The following NACA variants were observed in gnomAD, a reference collection of about 807,000 sequenced individuals.
NACA encodes the protein nascent polypeptide-associated complex subunit alpha.
In NACA, 42 loss-of-function variants were observed where a neutral mutation model predicts 86.4. That is an observed-to-expected ratio of 0.49 (90% CI 0.38 to 0.63). The LOEUF (loss-of-function observed/expected upper bound fraction) is 0.63, where lower values mean the gene tolerates loss of function less well. Ranked by LOEUF, NACA falls within the 20% of genes least tolerant of loss-of-function variation. The pLI is 0.00. For synonymous variants in NACA, 898 were observed against 973.7 expected (o/e 0.92, Z 1.45); for missense variants, 2,157 against 2,483.6 (o/e 0.87, Z 2.80).
chr12:56,713,474 TGTCA>T lies in NACA; in HGVS notation c.5970+59_5970+62del, dbSNP rs369306783. ...TAACAGAGAACTATCTGACGCAAAA[TGTCA>T]GCAGTGCTGAGGTTGAGAAACCCTG... On this transcript the variant is annotated intron_variant, in intron 6 of 8. Transcript: ENST00000454682. 2.6e-4 allele frequency: 406 copies of T among 1,564,040 alleles called. 2 individuals are homozygous for T. In the African/African-American group the frequency reaches 4.7e-3, roughly 18 times the overall value.
rs772457858 is a variant in NACA, at chr12:56,716,678, C to A, written c.4852G>T (p.Ala1618Ser). The A allele has an allele frequency of 7.0e-7, 1 of 1,425,742 alleles. No homozygotes were observed. Among genetic ancestry groups the A allele is most frequent in the Non-Finnish European group, 9.4e-7 (1 of 1,063,150 alleles). The allele number at this position is 1,425,742 out of a possible 1,614,324, so 88.3% of individuals were successfully genotyped here. A position where few individuals can be genotyped will look rare whatever the true frequency, so the allele number is the denominator to read the frequency against. The change falls in exon 3 of 9, where the codon GCT (alanine) becomes TCT (serine). Residue 1618 changes from alanine (A) to serine (S), a missense_variant. Transcript: ENST00000454682. ...PSPKEAPTPP[A>S]VTPPSPEKGP... ...TTTTCGGGGGATGGAGGAGTCACAG[C>A]TGGAGGAGTAGGTGCCTCTTTGGGG...
intron 7 of NACA, 64 bp from the exon 8 acceptor site, chr12:56,712,972 G>A: frequency 6.2e-7 from 1 of 1,612,400 alleles, no homozygotes; most frequent in Non-Finnish European, 8.5e-7. Context: ...GTTCTTTGGA[G>A]TCTCCTGAAT....
At chr12:56,724,614 A>G in intron 1 of NACA, 91 bp from the exon 2 acceptor site, 1 of 1,375,454 alleles carries the variant, frequency 7.3e-7, no homozygotes, top group South Asian at 1.3e-5. Flanking sequence ...AACTCCGAGG[A>G]GGGCTGTTAG....
At position 56,720,163 on chromosome 12, in the gene NACA, G is replaced by A. The variant is rs763055972; in HGVS notation, c.1367C>T (p.Thr456Ile). The change falls in exon 3 of 9, where the codon ACC becomes ATC. Residue 456 changes from threonine (T) to isoleucine (I), a missense_variant. This residue lies in a region of NACA where 947 missense variants were observed against 917.9 expected (regional missense o/e 1.03). Coordinates refer to ENST00000454682, the MANE Select transcript of NACA (RefSeq NM_001365896.1). ...PCTIAAAPTT[T>I]FEVATCVSPP... ...AGAAACACAAGTAGCTACCTCAAAG[G>A]TAGTAGTAGGTGCTGCAGCAATTGT... The A allele has an allele frequency of 1.9e-6, 3 of 1,613,954 alleles. No individual in the cohort carries two copies. Among genetic ancestry groups the A allele is most frequent in the African/African-American group, 2.7e-5 (2 of 75,004 alleles).
intron 2 of NACA, among the ~76,000 whole-genome samples, chr12:56,723,446 C>G (rs1031115547): frequency 6.6e-6 from 1 of 152,120 alleles, no homozygotes; most frequent in Non-Finnish European, 1.5e-5. Context: ...CTTTAGAGAA[C>G]AGTACTTTAT....
Position 56,716,409 on chromosome 12 carries a change from T to C in NACA, c.5121A>G (p.Lys1707=), listed in dbSNP as rs1387989066. 2.5e-6 allele frequency: 4 copies of C among 1,602,672 alleles called. No individual in the cohort carries two copies. Among genetic ancestry groups the C allele is most frequent in the Non-Finnish European group, 3.4e-6 (4 of 1,173,286 alleles). The change falls in exon 3 of 9, where the codon AAA becomes AAG. Residue 1707 remains lysine (K), a synonymous_variant. Transcript: ENST00000454682. ...TAPTRKGPQT[K]KSSATSPPIC... ...TAGGAGGTGAAGTAGCAGAACTCTTTTTGGTCTGTGGACCTTTCCGAGTGG... is the reference window on the plus strand; with the variant it reads ...TAGGAGGTGAAGTAGCAGAACTCTTCTTGGTCTGTGGACCTTTCCGAGTGG...
chr12:56,713,260 A>G, intron 6 of NACA, 70 bp from the exon 7 acceptor site: 1 of 1,550,076 alleles, frequency 6.5e-7, no homozygotes, highest in Non-Finnish European at 8.8e-7. Context: ...ATATAGTTTC[A>G]CAACTCTCTG....
chr12:56,714,018 G>C (rs893913718), intron 5 of NACA: 1 of 366,386 alleles, frequency 2.7e-6, no homozygotes, highest in African/African-American at 2.1e-5. Flanking sequence ...ATATATTTTT[G>C]GTATTTTTAG....
chr12:56,724,233 G>A (rs1953649952), intron 2 of NACA, among the ~76,000 whole-genome samples: 2 of 152,148 alleles, frequency 1.3e-5, no homozygotes, highest in Non-Finnish European at 1.5e-5. Context: ...AACATAGAAA[G>A]CAAGCTAGGG....
intron 6 of NACA, 166 bp downstream of exon 6, chr12:56,713,371 G>A (rs973781780): frequency 6.7e-6 from 8 of 1,186,330 alleles, no homozygotes; most frequent in Non-Finnish European, 9.4e-6. Context: ...CAACTAGGGG[G>A]TAGTTAGGTC....
intron 2 of NACA, among the ~76,000 whole-genome samples, chr12:56,722,471 C>T (rs1161189973): frequency 6.6e-6 from 1 of 152,168 alleles, no homozygotes; most frequent in Non-Finnish European, 1.5e-5. Flanking sequence ...GGGCGGATCA[C>T]GAGGTCAGGA....
In NACA at chr12:56,719,163, G is replaced by GT; in HGVS notation, c.2366dup (p.Tyr789Ter). The change falls in exon 3 of 9, where the codon TAC becomes TAAC. Residue 789 changes from tyrosine (Y) to a stop codon, truncating the protein, a stop_gained and frameshift_variant. Coordinates refer to ENST00000454682, the MANE Select transcript of NACA (RefSeq NM_001365896.1). LOFTEE classifies it high-confidence loss of function. ...CTAAAGGAGATGGGGAATCAGCTAG[G>GT]TAAGTCAGAGTTCCTTTGGAAGATG... ...ATASSKGTLT[Y>*]LADSPSPLGV... The GT allele has an allele frequency of 6.8e-7, 1 of 1,466,086 alleles. No homozygotes were observed. Among genetic ancestry groups the GT allele is most frequent in the Non-Finnish European group, 9.2e-7 (1 of 1,084,378 alleles). The allele number at this position is 1,466,086 out of a possible 1,614,324, so 90.8% of individuals were successfully genotyped here.
In NACA at chr12:56,721,359, A is replaced by G. The variant is rs370950923; in HGVS notation, c.171T>C (p.Pro57=). The G allele has an allele frequency of 3.3e-5, 53 of 1,596,014 alleles. 2 individuals carry two copies. The African/African-American group carries it at 5.9e-4, about 18-fold the overall frequency. The change falls in exon 3 of 9, where the codon CCT becomes CCC. Residue 57 remains proline (P), a synonymous_variant. Coordinates refer to ENST00000454682, the MANE Select transcript of NACA (RefSeq NM_001365896.1). ...PPCSPAPQQC[P]LSAANQASPF... is the part of the protein sequence containing the mutation. ...GGGAAGCCTGGTTAGCAGCTGAGAG[A>G]GGGCACTGTTGTGGGGCAGGAGAGC... is the stretch of plus-strand genomic sequence containing the variant.
At chr12:56,721,494 A>T in intron 2 of NACA, 35 bp from the exon 3 acceptor site, 2 of 1,310,092 alleles carry the variant, frequency 1.5e-6, no homozygotes, top group Non-Finnish European at 2.0e-6. Flanking sequence ...AGAAAGGGGG[A>T]GGGGGAGGAG....
Position 56,720,533 on chromosome 12 carries a change from C to G in NACA, c.997G>C (p.Asp333His). 6.2e-7 allele frequency: 1 copy of G among 1,613,888 alleles called. No individual in the cohort carries two copies. The highest frequency in any genetic ancestry group is 8.5e-7 in the Non-Finnish European group (1 of 1,179,828). The change falls in exon 3 of 9, where the codon GAC (aspartate) becomes CAC (histidine). Residue 333 changes from aspartate to histidine, a missense_variant. By Grantham distance (81) the Asp-to-His change is moderately conservative. Coordinates refer to ENST00000454682, the MANE Select transcript of NACA (RefSeq NM_001365896.1). ...ACAGAAATGGTCTTCACTGTAGGGTCTGACAAAGCACTAGGACCTGTTTGA... is the reference window on the plus strand; with the variant it reads ...ACAGAAATGGTCTTCACTGTAGGGTGTGACAAAGCACTAGGACCTGTTTGA... Reference protein sequence around the residue: ...LGQTGPSALSDPTVKTISVDH... With the variant: ...LGQTGPSALSHPTVKTISVDH...
chr12:56,716,736 C>T lies in NACA; in HGVS notation c.4794G>A (p.Glu1598=), dbSNP rs765191078. The change falls in exon 3 of 9, where the codon GAG becomes GAA. Residue 1598 remains glutamate (E), a synonymous_variant. Transcript: ENST00000454682. ...STYKGAPSPK[E]LLIPPAVTSP... ...AAGTCACAGCTGGTGGAATGAGGAG[C>T]TCTTTGGGGGATGGGGCCCCTTTGT... 5 of 1,387,538 alleles carry T rather than the reference C, an allele frequency of 3.6e-6. No homozygotes were observed. The highest frequency in any genetic ancestry group is 4.8e-6 in the Non-Finnish European group (5 of 1,047,980). 86.0% of individuals were successfully genotyped at this position (1,387,538 alleles called of 1,614,324 possible).
intron 3 of NACA, chr12:56,714,904 A>G: frequency 3.5e-6 from 2 of 565,376 alleles, no homozygotes; most frequent in Non-Finnish European, 6.3e-6. Context: ...AACCCCAGAA[A>G]TGAGGACTAA....
rs755741807 is a variant in NACA, at chr12:56,719,331, A to G, written c.2199T>C (p.Ser733=). Residue 733 remains serine, a synonymous_variant, in exon 3 of 9, where the codon TCT becomes TCC. Transcript: ENST00000454682. The part of the protein sequence containing the change: ...TLVLAPEIPK[S]VPSPSLPPAG... ...CTGGGGGAAGAGAGGGTGAGGGCAC[A>G]GACTTTGGGATTTCAGGGGCCAGCA... The G allele has an allele frequency of 2.5e-6, 4 of 1,606,558 alleles. No individual in the cohort carries two copies. The South Asian group carries it at 4.4e-5, about 18-fold the overall frequency.
At chr12:56,712,758 G>A in intron 8 of NACA, 28 bp downstream of exon 8, 6 of 1,614,110 alleles carry the variant, frequency 3.7e-6, no homozygotes, top group Non-Finnish European at 5.1e-6. Flanking sequence ...GGCAGAGGGA[G>A]TCAAGGAACA....
Sources: allele counts gnomAD v4.1 joint callset (sites outside exome capture counted in the v4.1 genomes callset), GRCh38; gene constraint gnomAD v4.1.1; regional missense constraint gnomAD v4.1.1; transcripts MANE v1.5; gene names NCBI Gene and HGNC (gene_info 2026-07-23, HGNC 2026-07-21).